SYNCRIP: variants seen among roughly 807,000 people sequenced by gnomAD.
SYNCRIP encodes synaptotagmin binding cytoplasmic RNA interacting protein.
SYNCRIP carries 9 observed loss-of-function variants against 68.9 expected under a neutral mutation model. The ratio of observed to expected loss-of-function variants is 0.13; its 90% confidence interval spans 0.08 to 0.23. The LOEUF (loss-of-function observed/expected upper bound fraction) is 0.23. Among genes scored for constraint, SYNCRIP ranks in the 10% least tolerant of loss-of-function variants. The probability of loss-of-function intolerance (pLI) is 1.00; values close to 1 mark genes in which losing one functional copy is unlikely to be tolerated. For synonymous variants in SYNCRIP, 258 were observed against 254.0 expected (o/e 1.02, Z -0.15); for missense variants, 414 against 770.6 (o/e 0.54, Z 5.48).
chr6:85,642,005 G>A (rs971263331), intron 1 of SYNCRIP, among the ~76,000 whole-genome samples: 76 of 152,220 alleles, frequency 5.0e-4, no homozygotes, highest in African/African-American at 1.7e-3. Context: ...CGGCCGCCAG[G>A]AGCCCATTAG....
intron 4 of SYNCRIP, 49 bp downstream of exon 4, chr6:85,640,172 G>C (rs1304426727): frequency 1.5e-6 from 2 of 1,303,536 alleles, no homozygotes; most frequent in Non-Finnish European, 2.2e-6. Flanking sequence ...CCAAAATTAG[G>C]AAACAGTTAA....
rs190717046 is a variant in SYNCRIP at position 85,640,213 on chromosome 6, A to G, written c.375+8T>C. 166 of 1,595,756 alleles carry G rather than the reference A, an allele frequency of 1.0e-4. 1 individual carries two copies. Among genetic ancestry groups the G allele is most frequent in the Admixed American group, 8.1e-4 (48 of 59,568 alleles). On this transcript the variant is annotated splice_region_variant and intron_variant, in intron 4 of 10. Transcript: ENST00000369622. ...CTTTAAAACTAAAGGGAGTATAGAA[A>G]GACATACCTTAATTTTTGCCTCATC...
downstream of SYNCRIP, chr6:85,609,333 A>T (rs1310370358): frequency 6.6e-6 from 1 of 151,940 alleles, no homozygotes; most frequent in African/African-American, 2.4e-5. Flanking sequence ...GCAGTCAAAA[A>T]AGCTGTTCTG....
At chr6:85,631,619 T>TA (rs1191406754) in intron 6 of SYNCRIP, among the ~76,000 whole-genome samples, 1 of 152,200 alleles carries the variant, frequency 6.6e-6, no homozygotes, top group Non-Finnish European at 1.5e-5. Flanking sequence ...TAAAAAGTGT[T>TA]AGATGCTAAA....
At chr6:85,639,688 T>G (rs987745524) in intron 4 of SYNCRIP, among the ~76,000 whole-genome samples, 15 of 152,298 alleles carry the variant, frequency 9.8e-5, no homozygotes, top group African/African-American at 3.4e-4. Flanking sequence ...TTTGAAGCCA[T>G]TCACCATGAT....
At chr6:85,627,377 T>C (rs542873254) in intron 6 of SYNCRIP, among the ~76,000 whole-genome samples, 1 of 152,218 alleles carries the variant, frequency 6.6e-6, no homozygotes, top group South Asian at 2.1e-4. Context: ...AAGGAGACTC[T>C]GGGTACAACT....
intron 8 of SYNCRIP, among the ~76,000 whole-genome samples, chr6:85,621,948 A>T (rs1394676987): frequency 1.3e-5 from 2 of 152,216 alleles, no homozygotes. Context: ...TGATGGCTAT[A>T]CAATTATGGC....
intron 6 of SYNCRIP, among the ~76,000 whole-genome samples, chr6:85,624,717 T>A (rs76701728): frequency 6.6e-6 from 1 of 152,196 alleles, no homozygotes; most frequent in East Asian, 1.9e-4. Context: ...AAAAGTAAAT[T>A]GAATTTTCGA....
intron 10 of SYNCRIP, 115 bp downstream of exon 10, chr6:85,618,703 G>A (rs2128281631): frequency 4.7e-6 from 4 of 848,350 alleles, no homozygotes; most frequent in Non-Finnish European, 7.1e-6. Flanking sequence ...AAACGTTCAA[G>A]TCTTCTTTAA....
At chr6:85,616,806 C>A (rs1805827689) in intron 10 of SYNCRIP, among the ~76,000 whole-genome samples, 1 of 152,134 alleles carries the variant, frequency 6.6e-6, no homozygotes, top group African/African-American at 2.4e-5. Flanking sequence ...AAATAGTTCT[C>A]ACCAGGGATA....
At chr6:85,622,811 G>A (rs1806564352) in intron 7 of SYNCRIP, 124 bp from the exon 8 acceptor site, 1 of 762,292 alleles carries the variant, frequency 1.3e-6, no homozygotes. Flanking sequence ...TCCTTCACTA[G>A]ACATCTTTAT....
rs1805539779 is a variant in SYNCRIP, at chr6:85,614,527, T to C, written c.*229A>G. On this transcript the variant is annotated 3_prime_UTR_variant, in exon 11 of 11. Transcript: ENST00000369622. ...CAAGCACAAATGCAAACTCATTAAC[T>C]ATTTCTTTCAGTATCTAAGAATATC... is the stretch of plus-strand genomic sequence containing the variant. 1.6e-6 allele frequency: 2 copies of C among 1,241,572 alleles called. No homozygotes were observed. The highest frequency in any genetic ancestry group is 3.1e-5 in the African/African-American group (2 of 64,248). The allele number at this position is 1,241,572 out of a possible 1,614,324, so 76.9% of individuals were successfully genotyped here. A position where few individuals can be genotyped will look rare whatever the true frequency, so the allele number is the denominator to read the frequency against.
chr6:85,639,684 G>A (rs1337615687), intron 4 of SYNCRIP, among the ~76,000 whole-genome samples: 1 of 152,086 alleles, frequency 6.6e-6, no homozygotes, highest in Admixed American at 6.5e-5. Context: ...TGAATTTGAA[G>A]CCATTCACCA....
chr6:85,639,265 G>A (rs1808851970), intron 4 of SYNCRIP, among the ~76,000 whole-genome samples: 1 of 152,060 alleles, frequency 6.6e-6, no homozygotes, highest in Non-Finnish European at 1.5e-5. Flanking sequence ...AAAAAAAACT[G>A]AAAGCTAAAA....
At chr6:85,626,762 T>C (rs1278559739) in intron 6 of SYNCRIP, among the ~76,000 whole-genome samples, 2 of 152,242 alleles carry the variant, frequency 1.3e-5, no homozygotes, top group East Asian at 3.8e-4. Context: ...CTTCAAATTA[T>C]TAATAACTGT....
In SYNCRIP at chr6:85,614,376, G is replaced by C; in HGVS notation, c.*380C>G. On this transcript the variant is annotated 3_prime_UTR_variant, in exon 11 of 11. Transcript: ENST00000369622. ...GCAATTTAAGTTGGTAACATACAAAGTTATTCTGATACAAGATATTAAAGA... is the reference window on the plus strand; with the variant it reads ...GCAATTTAAGTTGGTAACATACAAACTTATTCTGATACAAGATATTAAAGA... 4.0e-6 allele frequency: 4 copies of C among 994,440 alleles called. No individual in the cohort carries two copies. The highest frequency in any genetic ancestry group is 4.8e-6 in the Non-Finnish European group (4 of 836,094). The allele number at this position is 994,440 out of a possible 1,614,324, so 61.6% of individuals were successfully genotyped here.
chr6:85,619,218 G>C (rs774039577), intron 9 of SYNCRIP, 50 bp downstream of exon 9: 1 of 1,592,172 alleles, frequency 6.3e-7, no homozygotes, highest in South Asian at 1.1e-5. Flanking sequence ...ATTCTAAAAT[G>C]ACTAAATTTG....
chr6:85,615,334 A>G lies in SYNCRIP; in HGVS notation c.1294T>C (p.Tyr432His), dbSNP rs1188388302. Residue 432 changes from tyrosine to histidine, a missense_variant, in exon 11 of 11, where the codon TAC (tyrosine) becomes CAC (histidine). Tyr to His is a moderately conservative substitution (Grantham distance 83, BLOSUM62 2). Around this residue, in one of 6 missense-constraint regions of SYNCRIP, gnomAD observed 72 missense variants for 119.8 expected, o/e 0.60. Coordinates refer to ENST00000369622, the MANE Select transcript of SYNCRIP (RefSeq NM_006372.5). ...GGCATATGAGGTGGACCATAATAGT[A>G]GTAATCGTCATACCTATTAAAAAAG... ...AAKNQMYDDY[Y>H]YYGPPHMPPP... is the part of the protein sequence containing the mutation. 2 of 1,516,574 alleles carry G rather than the reference A, an allele frequency of 1.3e-6. No homozygotes were observed. Among genetic ancestry groups the G allele is most frequent in the Non-Finnish European group, 1.8e-6 (2 of 1,129,380 alleles). 93.9% of individuals were successfully genotyped at this position (1,516,574 alleles called of 1,614,324 possible).
At position 85,614,087 on chromosome 6, in the gene SYNCRIP, G is replaced by C; in HGVS notation, c.*669C>G. ...ATAAATCAGTGTTGTGTAATGTGCA[G>C]ACATATTCCACACAAGAATTAACAA... On this transcript the variant is annotated 3_prime_UTR_variant, in exon 11 of 11. Coordinates refer to ENST00000369622, the MANE Select transcript of SYNCRIP (RefSeq NM_006372.5). The C allele has an allele frequency of 1.0e-6, 1 of 985,832 alleles. No individual in the cohort carries two copies. The highest frequency in any genetic ancestry group is 1.2e-6 in the Non-Finnish European group (1 of 829,942). The allele number at this position is 985,832 out of a possible 1,614,324, so 61.1% of individuals were successfully genotyped here. A position where few individuals can be genotyped will look rare whatever the true frequency, so the allele number is the denominator to read the frequency against.
Sources: allele counts gnomAD v4.1 joint callset (sites outside exome capture counted in the v4.1 genomes callset), GRCh38; gene constraint gnomAD v4.1.1; regional missense constraint gnomAD v4.1.1; transcripts MANE v1.5; gene names NCBI Gene and HGNC (gene_info 2026-07-23, HGNC 2026-07-21).